Variants in PCDHGA7 observed in about 807,000 individuals in gnomAD.
The protein encoded by PCDHGA7 is protocadherin gamma-A7.
PCDHGA7 carries 44 observed loss-of-function variants against 58.3 expected under a neutral mutation model. The observed-to-expected ratio is 0.75, with a 90% CI of 0.59 to 0.97. The LOEUF is 0.97. Among genes scored for constraint, PCDHGA7 ranks in the 50% least tolerant of loss-of-function variants. PCDHGA7 has a pLI of 0.00. For missense variants in PCDHGA7, 1,266 were observed against 1,188.7 expected, an observed-to-expected ratio of 1.06 and a Z score of -0.96; for synonymous variants, 516 against 504.2, an observed-to-expected ratio of 1.02 and a Z score of -0.31.
chr5:141,404,680 G>A (rs2094553624), intron 1 of PCDHGA7: 2 of 1,614,042 alleles, frequency 1.2e-6, no homozygotes, highest in Non-Finnish European at 1.7e-6. Context: ...CTGGTGTGGA[G>A]CTGGCACCCC....
Position 141,487,933 on chromosome 5 carries a change from A to G in PCDHGA7, c.2425-6874A>G. ...CACAGGAGGCTACAGTGCACAGGGT[A>G]CAGTGCACCAGGCAGTCACTTGGAC... is the stretch of plus-strand genomic sequence containing the variant. On this transcript the variant is annotated intron_variant, in intron 1 of 3. Coordinates refer to ENST00000518325, the MANE Select transcript of PCDHGA7 (RefSeq NM_018920.4). This position sits in a 1 kb window ranked among gnomAD's most constrained non-coding sequence, Gnocchi z 5.0. 1 of 612,006 alleles carries G rather than the reference A, an allele frequency of 1.6e-6. No homozygotes were observed. Among genetic ancestry groups the G allele is most frequent in the South Asian group, 2.0e-5 (1 of 49,074 alleles). The allele number at this position is 612,006 out of a possible 1,614,324, so 37.9% of individuals were successfully genotyped here. A position where few individuals can be genotyped will look rare whatever the true frequency, so the allele number is the denominator to read the frequency against.
At chr5:141,482,611 G>A (rs1016481108) in intron 1 of PCDHGA7, among the ~76,000 whole-genome samples, 3 of 150,398 alleles carry the variant, frequency 2.0e-5, no homozygotes, top group African/African-American at 7.4e-5. Context: ...ACACCTAAAT[G>A]AGCCTGGAGA....
intron 2 of PCDHGA7, among the ~76,000 whole-genome samples, chr5:141,498,394 A>G (rs1043900807): frequency 6.6e-6 from 1 of 152,096 alleles, no homozygotes; most frequent in Non-Finnish European, 1.5e-5. Flanking sequence ...AGGGAATGGC[A>G]GGGAGTTTTC....
chr5:141,422,670 C>CA (rs754910458), intron 1 of PCDHGA7: 6 of 1,607,126 alleles, frequency 3.7e-6, no homozygotes, highest in Non-Finnish European at 1.7e-6. Flanking sequence ...TCGACCCGGA[C>CA]AGCAAACAGA....
chr5:141,383,948 C>A lies in PCDHGA7; in HGVS notation c.1049C>A (p.Thr350Lys). 6.2e-7 allele frequency: 1 copy of A among 1,613,600 alleles called. No individual in the cohort carries two copies. Among genetic ancestry groups the A allele is most frequent in the South Asian group, 1.1e-5 (1 of 91,062 alleles). ...GATAATGCTCCAGAAGTGACTATGA[C>A]GTCTTTAAGTAGCTCAATCCCTGAA... ...VNDNAPEVTM[T>K]SLSSSIPEDT... Residue 350 changes from threonine to lysine, a missense_variant, in exon 1 of 4, where the codon ACG becomes AAG. Thr to Lys is a moderately conservative substitution (Grantham distance 78). Coordinates refer to ENST00000518325, the MANE Select transcript of PCDHGA7 (RefSeq NM_018920.4).
intron 1 of PCDHGA7, chr5:141,405,417 TTTTTG>T (rs767701229): frequency 7.0e-6 from 11 of 1,563,080 alleles, no homozygotes; most frequent in Non-Finnish European, 8.7e-6. Flanking sequence ...CTTTTTTTGT[TTTTTG>T]TTTTGTTTTG....
intron 1 of PCDHGA7, chr5:141,390,614 G>C (rs184586504): frequency 4.8e-5 from 14 of 289,200 alleles, no homozygotes; most frequent in Admixed American, 2.4e-4. Context: ...TTTCCTTCTT[G>C]TTGACTAATA....
Position 141,428,104 on chromosome 5 carries a change from T to C in PCDHGA7, c.2424+42781T>C, listed in dbSNP as rs751953406. ...AACGCTTGGCTGTCCTACCACGTGCTGCAGGCCATCGAGCCCGGGCTTTTC... is the reference window on the plus strand; with the variant it reads ...AACGCTTGGCTGTCCTACCACGTGCCGCAGGCCATCGAGCCCGGGCTTTTC... On this transcript the variant is annotated intron_variant, in intron 1 of 3. Coordinates refer to ENST00000518325, the MANE Select transcript of PCDHGA7 (RefSeq NM_018920.4). The C allele has an allele frequency of 1.9e-6, 3 of 1,608,398 alleles. No individual in the cohort carries two copies. The South Asian group carries it at 3.3e-5, about 18-fold the overall frequency.
intron 1 of PCDHGA7, chr5:141,388,959 G>C: frequency 6.2e-7 from 1 of 1,613,996 alleles, no homozygotes; most frequent in Non-Finnish European, 8.5e-7. Flanking sequence ...GGAGGACGCC[G>C]AGCTGGGAAC....
chr5:141,400,147 C>T lies in PCDHGA7; in HGVS notation c.2424+14824C>T, dbSNP rs751998425. ...GGAGGTGCTGCCGGATATCACTGAC[C>T]GCCCTGTACCCTCTGACCCCCAGGC... On this transcript the variant is annotated intron_variant, in intron 1 of 3. Coordinates refer to ENST00000518325, the MANE Select transcript of PCDHGA7 (RefSeq NM_018920.4). 3.7e-6 allele frequency: 6 copies of T among 1,614,074 alleles called. No homozygotes were observed. In the East Asian group the frequency reaches 1.1e-4, roughly 30 times the overall value.
chr5:141,467,990 A>G (rs1593103654), intron 1 of PCDHGA7, among the ~76,000 whole-genome samples: 2 of 152,052 alleles, frequency 1.3e-5, no homozygotes, highest in South Asian at 2.1e-4. Context: ...GAAAACCACA[A>G]TTCTTTCTTC....
In PCDHGA7 at chr5:141,505,496, T is replaced by C; in HGVS notation, c.2572+15T>C. 6.2e-7 allele frequency: 1 copy of C among 1,614,148 alleles called. No homozygotes were observed. The highest frequency in any genetic ancestry group is 8.5e-7 in the Non-Finnish European group (1 of 1,180,004). ...GTCCGCCAGTGGTAAGTGGTGTCAGTGTGTGTATGGAAGAGTGGGAGACCT... is the reference window on the plus strand; with the variant it reads ...GTCCGCCAGTGGTAAGTGGTGTCAGCGTGTGTATGGAAGAGTGGGAGACCT... On this transcript the variant is annotated intron_variant, in intron 3 of 3. Transcript: ENST00000518325.
intron 1 of PCDHGA7, chr5:141,492,003 T>G: frequency 1.6e-6 from 1 of 626,972 alleles, no homozygotes; most frequent in Non-Finnish European, 2.6e-6. Context: ...TCGGGCGATT[T>G]CCGCGGGTGT....
intron 3 of PCDHGA7, among the ~76,000 whole-genome samples, 188 bp from the exon 4 acceptor site, chr5:141,510,759 G>A (rs1026623444): frequency 6.6e-5 from 10 of 152,172 alleles, no homozygotes; most frequent in African/African-American, 2.4e-4. Context: ...TCTCACTCCA[G>A]AGCCTCTTAA....
chr5:141,419,218 A>G, intron 1 of PCDHGA7: 1 of 1,613,940 alleles, frequency 6.2e-7, no homozygotes, highest in Non-Finnish European at 8.5e-7. Flanking sequence ...CGGTTTTCGG[A>G]CAGTCAGCCT....
chr5:141,465,490 G>A (rs917234604), intron 1 of PCDHGA7, among the ~76,000 whole-genome samples: 9 of 152,170 alleles, frequency 5.9e-5, no homozygotes, highest in East Asian at 1.9e-4. Flanking sequence ...AGGAATGAGC[G>A]GGAGCATTGT....
intron 1 of PCDHGA7, chr5:141,478,053 T>A (rs1461280529): frequency 1.2e-6 from 2 of 1,614,010 alleles, no homozygotes; most frequent in Non-Finnish European, 1.7e-6. Context: ...ACTCTCACGG[T>A]CTTGATCAAA....
chr5:141,403,616 C>T (rs2094434764), intron 1 of PCDHGA7: 1 of 1,613,774 alleles, frequency 6.2e-7, no homozygotes, highest in South Asian at 1.1e-5. Flanking sequence ...CGAGCCGCGT[C>T]GCTCCAGCAC....
At chr5:141,386,678 G>T (rs1376452903) in intron 1 of PCDHGA7, among the ~76,000 whole-genome samples, 2 of 152,012 alleles carry the variant, frequency 1.3e-5, no homozygotes, top group African/African-American at 4.8e-5. Context: ...CATTTCAGAT[G>T]TACAATCACT....
Sources: gnomAD v4.1 joint callset for allele counts (sites outside exome capture counted in the v4.1 genomes callset) on GRCh38, gnomAD v4.1.1 for gene constraint, Gnocchi (gnomAD v3.1) non-coding constraint, MANE v1.5 for transcripts, NCBI Gene and HGNC (gene_info 2026-07-23, HGNC 2026-07-21) for gene names.